Variants in SCMH1 observed in about 807,000 individuals in gnomAD.
SCMH1 encodes Scm polycomb group protein homolog 1.
Under a neutral mutation model 70.8 loss-of-function variants are expected in SCMH1, and 37 were observed. The ratio of observed to expected loss-of-function variants is 0.52; its 90% CI spans 0.40 to 0.69. SCMH1 has a LOEUF of 0.69. Ranked by LOEUF, SCMH1 falls within the 30% of genes least tolerant of loss-of-function variation. SCMH1 has a pLI of 0.00. For missense variants in SCMH1, 607 were observed against 827.3 expected, an observed-to-expected ratio of 0.73 and a Z score of 3.27; for synonymous variants, 292 against 307.4, an observed-to-expected ratio of 0.95 and a Z score of 0.52.
At chr1:41,198,635 C>T (rs1419835317) in intron 1 of SCMH1, among the ~76,000 whole-genome samples, 1 of 152,114 alleles carries the variant, frequency 6.6e-6, no homozygotes, top group Non-Finnish European at 1.5e-5. Context: ...CTTTTAGCAA[C>T]AAGAACCCAA....
At chr1:41,038,347 G>C (rs1645606313) in intron 12 of SCMH1, among the ~76,000 whole-genome samples, 1 of 152,182 alleles carries the variant, frequency 6.6e-6, no homozygotes, top group Non-Finnish European at 1.5e-5. Context: ...CTCATGACTG[G>C]GTTCTACCCA....
At chr1:41,181,964 G>A (rs1648902418) in intron 2 of SCMH1, among the ~76,000 whole-genome samples, 2 of 152,150 alleles carry the variant, frequency 1.3e-5, no homozygotes, top group Non-Finnish European at 2.9e-5. Flanking sequence ...GTCCATCAAT[G>A]ATAGACTGGA....
chr1:41,119,724 A>C (rs1671455474), intron 6 of SCMH1, among the ~76,000 whole-genome samples: 1 of 152,194 alleles, frequency 6.6e-6, no homozygotes, highest in African/African-American at 2.4e-5. Flanking sequence ...AACAGACCTG[A>C]GAATAAAGCC....
chr1:41,228,609 C>G (rs979561672), intron 1 of SCMH1, among the ~76,000 whole-genome samples: 1 of 151,294 alleles, frequency 6.6e-6, no homozygotes, highest in African/African-American at 2.4e-5. Flanking sequence ...ATGGTGAGAC[C>G]CCATTTCTAC....
chr1:41,176,414 G>C (rs1647143737), intron 2 of SCMH1, among the ~76,000 whole-genome samples: 2 of 152,180 alleles, frequency 1.3e-5, no homozygotes, highest in Non-Finnish European at 2.9e-5. Flanking sequence ...CAAGACAGTG[G>C]GTGCAGCGCA....
At chr1:41,170,302 T>C (rs1431623217) in intron 2 of SCMH1, among the ~76,000 whole-genome samples, 1 of 152,192 alleles carries the variant, frequency 6.6e-6, no homozygotes, top group Non-Finnish European at 1.5e-5. Context: ...GGGGAGAAGT[T>C]GGATGCTGGG....
At chr1:41,233,764 G>C (rs1204727654) in intron 1 of SCMH1, among the ~76,000 whole-genome samples, 1 of 152,076 alleles carries the variant, frequency 6.6e-6, no homozygotes, top group Non-Finnish European at 1.5e-5. Context: ...CTTTCTTTTT[G>C]AAACTTACCG....
intron 2 of SCMH1, among the ~76,000 whole-genome samples, chr1:41,179,170 A>T (rs2148581891): frequency 6.6e-6 from 1 of 152,318 alleles, no homozygotes; most frequent in South Asian, 2.1e-4. Flanking sequence ...AGAAATAAAG[A>T]TGTTCTTTGA....
At chr1:41,183,722 A>G (rs1649430089) in intron 2 of SCMH1, among the ~76,000 whole-genome samples, 1 of 152,208 alleles carries the variant, frequency 6.6e-6, no homozygotes, top group Non-Finnish European at 1.5e-5. Context: ...CCCATATTAA[A>G]AAGTCAGTAT....
rs142465320 is a variant in SCMH1 at position 41,240,582 on chromosome 1, C to T, written c.-118+1477G>A. On this transcript the variant is annotated intron_variant, in intron 1 of 14. Coordinates refer to ENST00000337495, the Ensembl canonical transcript of SCMH1. Reference sequence around the variant, plus strand: ...GTTTAAAAAAAAAAAAAGAGCTATTCTATTTGCCTGGCACATTACACTTCA... The same window carrying T: ...GTTTAAAAAAAAAAAAAGAGCTATTTTATTTGCCTGGCACATTACACTTCA... Among the ~76,000 whole-genome samples, 924 of 151,704 alleles carry T rather than the reference C, an allele frequency of 6.1e-3. 13 individuals carry two copies. Among genetic ancestry groups the T allele is most frequent in the African/African-American group, 0.021 (884 of 41,400 alleles).
At chr1:41,189,342 G>A (rs924194510) in intron 1 of SCMH1, among the ~76,000 whole-genome samples, 2 of 152,054 alleles carry the variant, frequency 1.3e-5, no homozygotes, top group Non-Finnish European at 2.9e-5. Context: ...GTAGAGACAG[G>A]GTTTCATCAT....
At chr1:41,151,659 T>C (rs1163563491) in exon 5 of SCMH1, 1 of 1,612,532 alleles carries the variant, frequency 6.2e-7, no homozygotes, top group African/African-American at 1.3e-5. Flanking sequence ...ATGTTTCTTT[T>C]AGGTATTTGT....
At chr1:41,131,084 C>T (rs2148071751) in intron 6 of SCMH1, among the ~76,000 whole-genome samples, 1 of 152,232 alleles carries the variant, frequency 6.6e-6, no homozygotes, top group Non-Finnish European at 1.5e-5. Context: ...TTGTATATGG[C>T]ATAGAGGTAG....
chr1:41,196,569 A>C (rs1653071606), intron 1 of SCMH1, among the ~76,000 whole-genome samples: 1 of 152,234 alleles, frequency 6.6e-6, no homozygotes, highest in Non-Finnish European at 1.5e-5. Flanking sequence ...TGACCTAAAT[A>C]AATGTAAGAG....
intron 13 of SCMH1, among the ~76,000 whole-genome samples, chr1:41,034,719 A>G (rs1378397789): frequency 6.6e-6 from 1 of 152,090 alleles, no homozygotes; most frequent in East Asian, 1.9e-4. Context: ...GGAGGCTGGA[A>G]TCAGGGTGTG....
chr1:41,051,996 G>C (rs745909490), intron 10 of SCMH1, among the ~76,000 whole-genome samples: 1 of 152,184 alleles, frequency 6.6e-6, no homozygotes, highest in Non-Finnish European at 1.5e-5. Context: ...ACCCTGTATA[G>C]GTGTACCATT....
chr1:41,132,838 G>T (rs988907366), intron 6 of SCMH1, among the ~76,000 whole-genome samples: 3 of 152,166 alleles, frequency 2.0e-5, no homozygotes, highest in Admixed American at 1.3e-4. Flanking sequence ...GTTTGTCAAA[G>T]ATCAGATGGT....
intron 8 of SCMH1, among the ~76,000 whole-genome samples, chr1:41,085,032 C>T (rs970045955): frequency 1.6e-4 from 24 of 150,482 alleles, no homozygotes; most frequent in Middle Eastern, 3.4e-3. Flanking sequence ...TGCTAAATGA[C>T]GAGTTAGTGG....
At chr1:41,239,789 C>T (rs1663135106) in intron 1 of SCMH1, among the ~76,000 whole-genome samples, 1 of 152,098 alleles carries the variant, frequency 6.6e-6, no homozygotes, top group Non-Finnish European at 1.5e-5. Context: ...CACCATCATG[C>T]CCAGCTATAT....
Sources: allele counts gnomAD v4.1 joint callset (sites outside exome capture counted in the v4.1 genomes callset), GRCh38; gene constraint gnomAD v4.1.1; transcripts MANE v1.5; gene names NCBI Gene and HGNC (gene_info 2026-07-23, HGNC 2026-07-21).